Variants in DDX52 observed in about 807,000 individuals in gnomAD.
The protein encoded by DDX52 is probable ATP-dependent RNA helicase DDX52.
A neutral mutation model predicts 76.1 loss-of-function variants in DDX52; 59 were observed. The ratio of observed to expected loss-of-function variants is 0.78; its 90% CI spans 0.63 to 0.96. The LOEUF (loss-of-function observed/expected upper bound fraction) is 0.96, where lower values mean the gene tolerates loss of function less well. Ranked by LOEUF, DDX52 falls within the 40% of genes least tolerant of loss-of-function variation. The pLI is 0.00. For missense variants in DDX52, 707 were observed against 703.9 expected (o/e 1.00, Z -0.05); for synonymous variants, 231 against 244.1 (o/e 0.95, Z 0.50).
intron 6 of DDX52, among the ~76,000 whole-genome samples, chr17:37,627,863 G>A (rs866138849): frequency 5.3e-5 from 8 of 151,840 alleles, no homozygotes; most frequent in African/African-American, 1.7e-4. Flanking sequence ...GAACTCCTGC[G>A]CTCAAGTGAT....
chr17:37,639,031 C>T (rs142563331), intron 2 of DDX52, among the ~76,000 whole-genome samples: 117 of 152,150 alleles, frequency 7.7e-4, no homozygotes, highest in African/African-American at 2.5e-3. Flanking sequence ...CTCCGCCTCC[C>T]AAAGTGTTGG....
At chr17:37,631,973 A>T in intron 4 of DDX52, 140 bp downstream of exon 4, 1 of 1,194,782 alleles carries the variant, frequency 8.4e-7, no homozygotes, top group Non-Finnish European at 1.2e-6. Context: ...AGGCACAGGC[A>T]TTTGATGAAC....
rs148896309 is a variant in DDX52, at chr17:37,611,508, T to C, written c.*2788A>G. 9.9e-5 allele frequency: 15 copies of C among 152,182 alleles called. No homozygotes were observed. The highest frequency in any genetic ancestry group is 2.9e-4 in the African/African-American group (12 of 41,540). 9.4% of individuals were successfully genotyped at this position (152,182 alleles called of 1,614,324 possible). On this transcript the variant is annotated 3_prime_UTR_variant, in exon 15 of 15. Coordinates refer to ENST00000617633, the MANE Select transcript of DDX52 (RefSeq NM_007010.5). Reference sequence around the variant, plus strand: ...CAAAAAAGTTTATAAAGGCCGGATATAGTGGCTCACTCCAGGTCAGGAGTT... The same window carrying C: ...CAAAAAAGTTTATAAAGGCCGGATACAGTGGCTCACTCCAGGTCAGGAGTT...
At chr17:37,629,169 C>T (rs946223944) in intron 5 of DDX52, among the ~76,000 whole-genome samples, 1 of 150,222 alleles carries the variant, frequency 6.7e-6, no homozygotes, top group African/African-American at 2.4e-5. Flanking sequence ...TGCAGTGAGC[C>T]GAGATGGCGC....
At chr17:37,625,001 C>T (rs1249242465) in intron 8 of DDX52, among the ~76,000 whole-genome samples, 3 of 151,722 alleles carry the variant, frequency 2.0e-5, no homozygotes, top group Admixed American at 1.3e-4. Context: ...ATTCATTCTG[C>T]TTTCCTGTTT....
rs1223529107 is a variant in DDX52, at chr17:37,626,770, T to C, written c.932+18A>G. The C allele has an allele frequency of 1.3e-6, 2 of 1,598,570 alleles. No individual in the cohort carries two copies. Among genetic ancestry groups the C allele is most frequent in the South Asian group, 1.1e-5 (1 of 87,884 alleles). On this transcript the variant is annotated intron_variant, in intron 7 of 14. Coordinates refer to ENST00000617633, the MANE Select transcript of DDX52 (RefSeq NM_007010.5). ...AAATTAAAAATACACACGAAAGACA[T>C]GAAAATATCATCTATACCTTGCTAG... is the stretch of plus-strand genomic sequence containing the variant.
intron 14 of DDX52, among the ~76,000 whole-genome samples, chr17:37,615,245 G>A (rs536844166): frequency 1.3e-5 from 2 of 152,244 alleles, no homozygotes; most frequent in Non-Finnish European, 2.9e-5. Flanking sequence ...GATGGGTCTT[G>A]CTTGTATGCT....
intron 9 of DDX52, 53 bp downstream of exon 9, chr17:37,624,291 A>G: frequency 7.2e-7 from 1 of 1,395,342 alleles, no homozygotes. Context: ...TCCCACTAGT[A>G]ATATAAGACT....
chr17:37,643,346 T>A lies in DDX52; in HGVS notation c.75A>T (p.Ala25=), dbSNP rs746058902. ...TTGGGCACAGTACCTGGAATCGAGC[T>A]GCGTCTGCCGAGAAGCGTCTCGTGT... ...KFDTRRFSAD[A]ARFQIGKRKY... The change falls in exon 1 of 15, where the codon GCA becomes GCT. Residue 25 remains alanine (A), a synonymous_variant. Transcript: ENST00000617633. 7 of 1,613,874 alleles carry A rather than the reference T, an allele frequency of 4.3e-6. No individual in the cohort carries two copies. In the South Asian group the frequency reaches 7.7e-5, roughly 18 times the overall value.
intron 3 of DDX52, 91 bp downstream of exon 3, chr17:37,633,197 T>C (rs2030761173): frequency 1.5e-6 from 2 of 1,326,408 alleles, no homozygotes; most frequent in African/African-American, 1.5e-5. Flanking sequence ...CAAAACTATA[T>C]TCACATTAAC....
intron 12 of DDX52, 137 bp downstream of exon 12, chr17:37,620,736 C>A (rs1008366164): frequency 1.3e-6 from 1 of 754,804 alleles, no homozygotes; most frequent in Admixed American, 3.9e-5. Flanking sequence ...TTTCCCATGG[C>A]TAAAATTTGG....
intron 2 of DDX52, among the ~76,000 whole-genome samples, chr17:37,635,816 A>G (rs1300133564): frequency 6.6e-6 from 1 of 152,194 alleles, no homozygotes; most frequent in Non-Finnish European, 1.5e-5. Context: ...TTTACCATCA[A>G]CACTGTGAGA....
chr17:37,630,691 G>A (rs1334006979), intron 4 of DDX52: 1 of 150,722 alleles, frequency 6.6e-6, no homozygotes, highest in Non-Finnish European at 1.5e-5. Context: ...ACCCAGGCTG[G>A]AGTGCAGTGG....
At chr17:37,617,669 A>T (rs1443641079) in intron 14 of DDX52, among the ~76,000 whole-genome samples, 2 of 152,246 alleles carry the variant, frequency 1.3e-5, no homozygotes, top group Non-Finnish European at 2.9e-5. Flanking sequence ...AGATCCATGT[A>T]AGTCAATGGT....
chr17:37,614,435 A>G (rs2147330299), intron 14 of DDX52, 82 bp from the exon 15 acceptor site: 1 of 1,338,992 alleles, frequency 7.5e-7, no homozygotes, highest in East Asian at 2.3e-5. Context: ...AGTTTAATAA[A>G]CATTTACTGA....
At chr17:37,618,476 A>G in intron 13 of DDX52, 92 bp from the exon 14 acceptor site, 2 of 1,150,586 alleles carry the variant, frequency 1.7e-6, no homozygotes, top group South Asian at 3.2e-5. Context: ...TTGATCACAA[A>G]ATTCATTTTT....
chr17:37,631,775 G>A (rs569907006), intron 4 of DDX52: 23 of 291,202 alleles, frequency 7.9e-5, no homozygotes, highest in African/African-American at 4.4e-4. Context: ...TCTCCAAGGG[G>A]TTACACACTA....
At chr17:37,621,376 C>CA in intron 10 of DDX52, 22 bp downstream of exon 10, 2 of 1,602,258 alleles carry the variant, frequency 1.2e-6, no homozygotes, top group Non-Finnish European at 1.7e-6. Context: ...TTCTGAGTTT[C>CA]AAAGTATATA....
rs541529154 is a variant in DDX52 at position 37,638,091 on chromosome 17, A to C, written c.286+4019T>G. Among the ~76,000 whole-genome samples the C allele has an allele frequency of 3.9e-5, 6 of 152,352 alleles. 1 individual carries two copies. In the South Asian group the frequency reaches 1.2e-3, roughly 32 times the overall value. On this transcript the variant is annotated intron_variant, in intron 2 of 14. Coordinates refer to ENST00000617633, the MANE Select transcript of DDX52 (RefSeq NM_007010.5). ...TGATCATAAAGACAAAGCACAATTA[A>C]ACCAATGGCTACCAAGAGGTGGAAG...
Sources: gnomAD v4.1 joint callset for allele counts (sites outside exome capture counted in the v4.1 genomes callset) on GRCh38, gnomAD v4.1.1 for gene constraint, MANE v1.5 for transcripts, NCBI Gene and HGNC (gene_info 2026-07-23, HGNC 2026-07-21) for gene names.